FAM78B: variants seen among roughly 807,000 people sequenced by gnomAD.
FAM78B encodes protein FAM78B.
In FAM78B, 10 loss-of-function variants were observed where a neutral mutation model predicts 20.0. The observed-to-expected ratio is 0.50, with a 90% confidence interval of 0.31 to 0.85. The LOEUF (loss-of-function observed/expected upper bound fraction) is 0.85. FAM78B is among the 40% of genes least tolerant of loss of function. FAM78B has a pLI of 0.05. For missense variants in FAM78B, 283 were observed against 345.0 expected, an observed-to-expected ratio of 0.82 and a Z score of 1.42; for synonymous variants, 135 against 132.8, an observed-to-expected ratio of 1.02 and a Z score of -0.12.
chr1:166,085,797 C>T (rs1166377581), intron 1 of FAM78B, among the ~76,000 whole-genome samples: 1 of 152,132 alleles, frequency 6.6e-6, no homozygotes, highest in African/African-American at 2.4e-5. Context: ...GGCTCCTTGG[C>T]CTCAGTGGTC....
chr1:166,096,373 G>A (rs1384105114), intron 1 of FAM78B, among the ~76,000 whole-genome samples: 2 of 152,018 alleles, frequency 1.3e-5, no homozygotes, highest in South Asian at 2.1e-4. Context: ...CTGTGGATGG[G>A]TAGCTCACTT....
At chr1:166,130,628 G>A (rs1209268226) in intron 1 of FAM78B, among the ~76,000 whole-genome samples, 1 of 152,084 alleles carries the variant, frequency 6.6e-6, no homozygotes, top group African/African-American at 2.4e-5. Context: ...CTCCAACAAA[G>A]AACTAACCAG....
chr1:166,091,408 G>A (rs1040625940), intron 1 of FAM78B, among the ~76,000 whole-genome samples: 15 of 152,138 alleles, frequency 9.9e-5, no homozygotes, highest in Admixed American at 4.6e-4. Context: ...TAAGTCTCAC[G>A]AGATCTGACG....
intron 1 of FAM78B, among the ~76,000 whole-genome samples, chr1:166,130,981 C>CTTTTT (rs869158425): frequency 7.0e-5 from 8 of 114,056 alleles, no homozygotes; most frequent in Non-Finnish European, 1.1e-4. Flanking sequence ...TCCCCAGGTG[C>CTTTTT]TTTTTTTTTT....
rs192025083 is a variant in FAM78B, at chr1:166,098,341, C to T, written c.264-27578G>A. 1.6e-3 allele frequency among the ~76,000 whole-genome samples: 248 copies of T among 152,124 alleles called. 2 individuals are homozygous for T. Among genetic ancestry groups the T allele is most frequent in the East Asian group, 6.4e-3 (33 of 5,150 alleles). On this transcript the variant is annotated intron_variant, in intron 1 of 1. Transcript: ENST00000354422. The stretch of plus-strand genomic sequence containing the variant: ...AGGCTCTTCAACAGCCCTGCCCCGC[C>T]GCCTCCAAAATCACACTAGTTCATC...
intron 1 of FAM78B, among the ~76,000 whole-genome samples, chr1:166,144,884 TA>T (rs1184805041): frequency 1.3e-5 from 2 of 152,034 alleles, no homozygotes; most frequent in African/African-American, 4.8e-5. Context: ...AATCTTTCCA[TA>T]AAAAGGCAAC....
chr1:166,119,943 T>C (rs1273425948), intron 1 of FAM78B, among the ~76,000 whole-genome samples: 2 of 152,178 alleles, frequency 1.3e-5, no homozygotes. Flanking sequence ...AAAGAGAAGA[T>C]GCGCCAAGAG....
chr1:166,099,644 A>G (rs528243863), intron 1 of FAM78B, among the ~76,000 whole-genome samples: 92 of 152,182 alleles, frequency 6.0e-4, no homozygotes, highest in African/African-American at 2.0e-3. Flanking sequence ...CAGACAAAAC[A>G]AACTTTAAAG....
chr1:166,131,062 G>A (rs1310442007), intron 1 of FAM78B, among the ~76,000 whole-genome samples: 1 of 149,950 alleles, frequency 6.7e-6, no homozygotes, highest in African/African-American at 2.5e-5. Context: ...TGCAATCTTG[G>A]CTCACTGCAA....
intron 2 of FAM78B, among the ~76,000 whole-genome samples, chr1:166,062,663 GTCTT>G (rs1342264497): frequency 6.6e-6 from 1 of 152,214 alleles, no homozygotes; most frequent in African/African-American, 2.4e-5. Context: ...CATGTGCAGC[GTCTT>G]TCTTTCTTTC....
intron 1 of FAM78B, among the ~76,000 whole-genome samples, chr1:166,097,935 T>C (rs555015461): frequency 3.4e-4 from 51 of 152,176 alleles, no homozygotes; most frequent in African/African-American, 1.2e-3. Flanking sequence ...AGCACAAAAA[T>C]AGAGAATTAA....
At chr1:166,109,950 T>C (rs1256171868) in intron 1 of FAM78B, among the ~76,000 whole-genome samples, 1 of 134,182 alleles carries the variant, frequency 7.5e-6, no homozygotes, top group African/African-American at 2.7e-5. Flanking sequence ...TAAAAGGGAA[T>C]GAATTAACAG....
intron 1 of FAM78B, among the ~76,000 whole-genome samples, chr1:166,134,637 T>C (rs1294854365): frequency 1.3e-5 from 2 of 152,200 alleles, no homozygotes; most frequent in African/African-American, 4.8e-5. Flanking sequence ...ATGAATTTAA[T>C]AATACCTCAG....
At chr1:166,128,289 C>T (rs1180408855) in intron 1 of FAM78B, among the ~76,000 whole-genome samples, 1 of 152,094 alleles carries the variant, frequency 6.6e-6, no homozygotes, top group Non-Finnish European at 1.5e-5. Flanking sequence ...CCTCACTCCA[C>T]AAAGGCCATA....
chr1:166,064,551 A>C (rs539500626), downstream of FAM78B, among the ~76,000 whole-genome samples: 1 of 152,138 alleles, frequency 6.6e-6, no homozygotes, highest in Non-Finnish European at 1.5e-5. Context: ...AGTGCTATGC[A>C]AAAATCTTTC....
chr1:166,129,788 C>T (rs1654805680), intron 1 of FAM78B, among the ~76,000 whole-genome samples: 1 of 151,878 alleles, frequency 6.6e-6, no homozygotes, highest in African/African-American at 2.4e-5. Context: ...TCACTCTATT[C>T]AGGTCCCCAA....
chr1:166,060,502 C>T (rs529496910), exon 3 of FAM78B: 122 of 861,248 alleles, frequency 1.4e-4, no homozygotes, highest in East Asian at 4.3e-4. Flanking sequence ...GGTCACGGGA[C>T]GGGAGGAAGG....
intron 1 of FAM78B, among the ~76,000 whole-genome samples, chr1:166,137,637 T>C (rs1303044665): frequency 6.6e-6 from 1 of 152,230 alleles, no homozygotes; most frequent in Non-Finnish European, 1.5e-5. Context: ...CTATTTTATC[T>C]ATCTCACAGA....
At chr1:166,072,555 GT>G (rs1313803128) in intron 1 of FAM78B, among the ~76,000 whole-genome samples, 12 of 152,166 alleles carry the variant, frequency 7.9e-5, no homozygotes, top group African/African-American at 2.9e-4. Context: ...TGGGTCAGAG[GT>G]TGTGCAGAGA....
Sources: gnomAD v4.1 joint callset for allele counts (sites outside exome capture counted in the v4.1 genomes callset) on GRCh38, gnomAD v4.1.1 for gene constraint, MANE v1.5 for transcripts, NCBI Gene and HGNC (gene_info 2026-07-23, HGNC 2026-07-21) for gene names.